KRTAP12-4: variants seen among roughly 807,000 people sequenced by gnomAD.
The protein encoded by KRTAP12-4 is keratin-associated protein 12-4.
For missense variants in KRTAP12-4, 148 were observed against 141.2 expected (o/e 1.05, Z -0.24); for synonymous variants, 58 against 58.7 (o/e 0.99, Z 0.05).
chr21:44,654,292 G>C lies in KRTAP12-4; in HGVS notation c.323C>G (p.Thr108Ser). Residue 108 changes from threonine (T) to serine (S), a missense_variant, in exon 1 of 1, where the codon ACC (threonine) becomes AGC (serine). By Grantham distance (58) the Thr-to-Ser change is moderately conservative. Coordinates refer to ENST00000391618, the MANE Select transcript of KRTAP12-4 (RefSeq NM_198698.1). Reference sequence around the variant, plus strand: ...GCCACCTGCTCAGCAGCCAGTGGGGGTGCTCCAGGTGACAGGTCTATAGAC... The same window carrying C: ...GCCACCTGCTCAGCAGCCAGTGGGGCTGCTCCAGGTGACAGGTCTATAGAC... ...TLVYRPVTWS[T>S]PTGC The C allele has an allele frequency of 6.2e-7, 1 of 1,613,772 alleles. No individual in the cohort carries two copies. The highest frequency in any genetic ancestry group is 8.5e-7 in the Non-Finnish European group (1 of 1,179,814).
Position 44,654,432 on chromosome 21 carries a change from ACAG to A in KRTAP12-4, c.180_182del (p.Cys61del). ...AGGCCACCTGGCAGGGGCTGGGCAC[ACAG>A]CAGGCTGGCTGGCAGCAGGTGGATA... On this transcript the variant is annotated inframe_deletion, in exon 1 of 1. Transcript: ENST00000391618. 6.2e-7 allele frequency: 1 copy of A among 1,614,142 alleles called. No homozygotes were observed. Among genetic ancestry groups the A allele is most frequent in the South Asian group, 1.1e-5 (1 of 91,092 alleles).
In KRTAP12-4 at chr21:44,654,216, G is replaced by A; in HGVS notation, c.*60C>T. ...AGGATGTGGGGACTGCCTGGCAGGA[G>A]TTCAGAGAGCCTGCTGGCTTCTGAC... On this transcript the variant is annotated 3_prime_UTR_variant, in exon 1 of 1. Transcript: ENST00000391618. 1.4e-6 allele frequency: 2 copies of A among 1,399,074 alleles called. No individual in the cohort carries two copies. The highest frequency in any genetic ancestry group is 2.0e-6 in the Non-Finnish European group (2 of 994,526). 86.7% of individuals were successfully genotyped at this position (1,399,074 alleles called of 1,614,324 possible). A position where few individuals can be genotyped will look rare whatever the true frequency, so the allele number is the denominator to read the frequency against.
rs1200199283 is a variant in KRTAP12-4, at chr21:44,654,532, G to A, written c.83C>T (p.Pro28Leu). 3 of 1,612,522 alleles carry A rather than the reference G, an allele frequency of 1.9e-6. No homozygotes were observed. The highest frequency in any genetic ancestry group is 1.7e-6 in the Non-Finnish European group (2 of 1,179,304). Reference sequence around the variant, plus strand: ...GCAGCAGGAGGTCCCATAGCCCTCGGGTGGGTAGCAGGTGCTGGGGACACA... The same window carrying A: ...GCAGCAGGAGGTCCCATAGCCCTCGAGTGGGTAGCAGGTGCTGGGGACACA... ...PCCVPSTCYP[P>L]EGYGTSCCCS... is the part of the protein sequence containing the mutation. Residue 28 changes from proline to leucine, a missense_variant, in exon 1 of 1, where the codon CCC becomes CTC. Transcript: ENST00000391618.
Position 44,654,408 on chromosome 21 carries a change from G to A in KRTAP12-4, c.207C>T (p.Ala69=). ...ACCVPSPCQV[A]CCVPVSCKPV... ...GCTTGCAGCTCACAGGCACACAGCAGGCCACCTGGCAGGGGCTGGGCACAC... is the reference window on the plus strand; with the variant it reads ...GCTTGCAGCTCACAGGCACACAGCAAGCCACCTGGCAGGGGCTGGGCACAC... The change falls in exon 1 of 1, where the codon GCC becomes GCT. Residue 69 remains alanine (A), a synonymous_variant. Transcript: ENST00000391618. 6.2e-7 allele frequency: 1 copy of A among 1,614,210 alleles called. No individual in the cohort carries two copies. Among genetic ancestry groups the A allele is most frequent in the Non-Finnish European group, 8.5e-7 (1 of 1,180,016 alleles).
Position 44,654,232 on chromosome 21 carries a change from G to A in KRTAP12-4, c.*44C>T. 7 of 1,509,798 alleles carry A rather than the reference G, an allele frequency of 4.6e-6. No homozygotes were observed. Among genetic ancestry groups the A allele is most frequent in the Non-Finnish European group, 6.4e-6 (7 of 1,090,012 alleles). 93.5% of individuals were successfully genotyped at this position (1,509,798 alleles called of 1,614,324 possible). ...CTGGCAGGAGTTCAGAGAGCCTGCT[G>A]GCTTCTGACCTCGCACCTACGAGGG... On this transcript the variant is annotated 3_prime_UTR_variant, in exon 1 of 1. Coordinates refer to ENST00000391618, the MANE Select transcript of KRTAP12-4 (RefSeq NM_198698.1).
chr21:44,654,585 G>T, the KRTAP12-4 span: 1 of 1,594,576 alleles, frequency 6.3e-7, no homozygotes. Context: ...AGGCCATTGG[G>T]CAGCCCGAAG....
At position 44,654,584 on chromosome 21, in the gene KRTAP12-4, G is replaced by T. The variant is rs1555942198; in HGVS notation, c.31C>A (p.Pro11Thr). The change falls in exon 1 of 1, where the codon CCA becomes ACA. Residue 11 changes from proline (P) to threonine (T), a missense_variant. Pro to Thr is a conservative substitution (Grantham distance 38). Transcript: ENST00000391618. The stretch of plus-strand genomic sequence containing the variant: ...CACGGGGAGCCAGGGCAGGCCATTG[G>T]GCAGCCCGAAGAGTGGCTGGTGTGG... MCHTSHSSGC[P>T]MACPGSPCCV... The T allele has an allele frequency of 6.3e-7, 1 of 1,596,324 alleles. No homozygotes were observed. Among genetic ancestry groups the T allele is most frequent in the Non-Finnish European group, 8.5e-7 (1 of 1,170,170 alleles).
chr21:44,654,497 G>T lies in KRTAP12-4; in HGVS notation c.118C>A (p.Pro40Thr). Reference protein sequence around the residue: ...GYGTSCCCSAPCVALLCRPLC... With the variant: ...GYGTSCCCSATCVALLCRPLC... ...GGCCGGCACAGCAGAGCCACACAGG[G>T]GGCTGAGCAGCAGCAGGAGGTCCCA... Residue 40 changes from proline to threonine, a missense_variant, in exon 1 of 1, where the codon CCC (proline) becomes ACC (threonine). Transcript: ENST00000391618. The T allele has an allele frequency of 6.2e-7, 1 of 1,613,760 alleles. No individual in the cohort carries two copies. Among genetic ancestry groups the T allele is most frequent in the Non-Finnish European group, 8.5e-7 (1 of 1,179,800 alleles).
At position 44,654,434 on chromosome 21, in the gene KRTAP12-4, A is replaced by G. The variant is rs782103643; in HGVS notation, c.181T>C (p.Cys61Arg). Residue 61 changes from cysteine (C) to arginine (R), a missense_variant, in exon 1 of 1, where the codon TGT (cysteine) becomes CGT (arginine). Transcript: ENST00000391618. The stretch of plus-strand genomic sequence containing the variant: ...GCCACCTGGCAGGGGCTGGGCACAC[A>G]GCAGGCTGGCTGGCAGCAGGTGGAT... ...GVSTCCQPAC[C>R]VPSPCQVACC... 5.0e-6 allele frequency: 8 copies of G among 1,614,146 alleles called. No homozygotes were observed. In the South Asian group the frequency reaches 8.8e-5, roughly 18 times the overall value.
At position 44,654,547 on chromosome 21, in the gene KRTAP12-4, C is replaced by A; in HGVS notation, c.68G>T (p.Ser23Ile). Residue 23 changes from serine to isoleucine, a missense_variant, in exon 1 of 1, where the codon AGC (serine) becomes ATC (isoleucine). Ser to Ile is a moderately radical substitution (Grantham distance 142). Transcript: ENST00000391618. ...ACPGSPCCVPSTCYPPEGYGT... is the reference protein window; with the variant it reads ...ACPGSPCCVPITCYPPEGYGT... ...ATAGCCCTCGGGTGGGTAGCAGGTG[C>A]TGGGGACACAGCACGGGGAGCCAGG... 6.2e-7 allele frequency: 1 copy of A among 1,611,256 alleles called. No individual in the cohort carries two copies. The highest frequency in any genetic ancestry group is 8.5e-7 in the Non-Finnish European group (1 of 1,178,600).
the KRTAP12-4 span, chr21:44,654,338 G>A: frequency 1.2e-6 from 2 of 1,613,996 alleles, no homozygotes; most frequent in African/African-American, 1.3e-5. Flanking sequence ...CAGAAGGGCT[G>A]GCAGCACCCA....
Position 44,654,426 on chromosome 21 carries a change from G to A in KRTAP12-4, c.189C>T (p.Pro63=). ...STCCQPACCV[P]SPCQVACCVP... ...CACAGCAGGCCACCTGGCAGGGGCT[G>A]GGCACACAGCAGGCTGGCTGGCAGC... Residue 63 remains proline (P), a synonymous_variant, in exon 1 of 1, where the codon CCC becomes CCT. Transcript: ENST00000391618. 8 of 1,614,148 alleles carry A rather than the reference G, an allele frequency of 5.0e-6. No individual in the cohort carries two copies. Among genetic ancestry groups the A allele is most frequent in the Non-Finnish European group, 6.8e-6 (8 of 1,179,990 alleles).
rs782215746 is a variant in KRTAP12-4, at chr21:44,654,658, C to T, written c.-44G>A. 7.5e-7 allele frequency: 1 copy of T among 1,335,432 alleles called. No individual in the cohort carries two copies. The highest frequency in any genetic ancestry group is 1.0e-6 in the Non-Finnish European group (1 of 985,478). The allele number at this position is 1,335,432 out of a possible 1,614,324, so 82.7% of individuals were successfully genotyped here. On this transcript the variant is annotated 5_prime_UTR_variant, in exon 1 of 1. Transcript: ENST00000391618. Reference sequence around the variant, plus strand: ...GGGGGGCGCAGAGGACAGGGCTGGTCTGGAGCCTGCTTCCTTAGGTGGCCT... The same window carrying T: ...GGGGGGCGCAGAGGACAGGGCTGGTTTGGAGCCTGCTTCCTTAGGTGGCCT...
Position 44,654,321 on chromosome 21 carries a change from G to A in KRTAP12-4, c.294C>T (p.Thr98=), listed in dbSNP as rs1555942057. The change falls in exon 1 of 1, where the codon ACC becomes ACT. Residue 98 remains threonine (T), a synonymous_variant. Coordinates refer to ENST00000391618, the MANE Select transcript of KRTAP12-4 (RefSeq NM_198698.1). ...TSGCCQPFCP[T]LVYRPVTWST... is the part of the protein sequence containing the mutation. ...TCCAGGTGACAGGTCTATAGACCAG[G>A]GTGGGGCAGAAGGGCTGGCAGCACC... 1.5e-5 allele frequency: 24 copies of A among 1,614,078 alleles called. No homozygotes were observed. The highest frequency in any genetic ancestry group is 1.9e-5 in the Non-Finnish European group (22 of 1,179,952).
At position 44,654,648 on chromosome 21, in the gene KRTAP12-4, C is replaced by G. The variant is rs12482041; in HGVS notation, c.-34G>C. ...GTGGACAGGTGGGGGGCGCAGAGGA[C>G]AGGGCTGGTCTGGAGCCTGCTTCCT... is the stretch of plus-strand genomic sequence containing the variant. On this transcript the variant is annotated 5_prime_UTR_variant, in exon 1 of 1. Transcript: ENST00000391618. 0.24 allele frequency: 337,837 copies of G among 1,418,792 alleles called. 40,878 individuals are homozygous for G. The highest frequency in any genetic ancestry group is 0.26 in the Middle Eastern group (1,025 of 3,956). 87.9% of individuals were successfully genotyped at this position (1,418,792 alleles called of 1,614,324 possible).
chr21:44,654,487 G>A lies in KRTAP12-4; in HGVS notation c.128C>T (p.Ala43Val). 1 of 1,613,908 alleles carries A rather than the reference G, an allele frequency of 6.2e-7. No individual in the cohort carries two copies. Among genetic ancestry groups the A allele is most frequent in the Non-Finnish European group, 8.5e-7 (1 of 1,179,870 alleles). ...CCCACACAGGGGCCGGCACAGCAGAGCCACACAGGGGGCTGAGCAGCAGCA... is the reference window on the plus strand; with the variant it reads ...CCCACACAGGGGCCGGCACAGCAGAACCACACAGGGGGCTGAGCAGCAGCA... Reference protein sequence around the residue: ...TSCCCSAPCVALLCRPLCGVS... With the variant: ...TSCCCSAPCVVLLCRPLCGVS... Residue 43 changes from alanine (A) to valine (V), a missense_variant, in exon 1 of 1, where the codon GCT becomes GTT. Coordinates refer to ENST00000391618, the MANE Select transcript of KRTAP12-4 (RefSeq NM_198698.1).
At position 44,654,659 on chromosome 21, in the gene KRTAP12-4, T is replaced by A; in HGVS notation, c.-45A>T. ...GGGGGCGCAGAGGACAGGGCTGGTC[T>A]GGAGCCTGCTTCCTTAGGTGGCCTT... On this transcript the variant is annotated 5_prime_UTR_variant, in exon 1 of 1. Transcript: ENST00000391618. 1 of 1,335,544 alleles carries A rather than the reference T, an allele frequency of 7.5e-7. No individual in the cohort carries two copies. Among genetic ancestry groups the A allele is most frequent in the Non-Finnish European group, 1.0e-6 (1 of 985,886 alleles). 82.7% of individuals were successfully genotyped at this position (1,335,544 alleles called of 1,614,324 possible). A position where few individuals can be genotyped will look rare whatever the true frequency, so the allele number is the denominator to read the frequency against.
chr21:44,654,589 C>A lies in KRTAP12-4; in HGVS notation c.26G>T (p.Gly9Val). Reference sequence around the variant, plus strand: ...GGAGCCAGGGCAGGCCATTGGGCAGCCCGAAGAGTGGCTGGTGTGGCACAT... The same window carrying A: ...GGAGCCAGGGCAGGCCATTGGGCAGACCGAAGAGTGGCTGGTGTGGCACAT... MCHTSHSS[G>V]CPMACPGSPC... The change falls in exon 1 of 1, where the codon GGC becomes GTC. Residue 9 changes from glycine to valine, a missense_variant. Transcript: ENST00000391618. 2.5e-6 allele frequency: 4 copies of A among 1,589,720 alleles called. No individual in the cohort carries two copies. Among genetic ancestry groups the A allele is most frequent in the South Asian group, 1.1e-5 (1 of 87,386 alleles).
Position 44,654,257 on chromosome 21 carries a change from G to GTT in KRTAP12-4, c.*18_*19insAA. On this transcript the variant is annotated 3_prime_UTR_variant, in exon 1 of 1. Transcript: ENST00000391618. ...GGCTTCTGACCTCGCACCTACGAGG[G>GTT]TCATAGGAGGCCACCTGCTCAGCAG... 6.2e-7 allele frequency: 1 copy of GTT among 1,600,144 alleles called. No individual in the cohort carries two copies. The highest frequency in any genetic ancestry group is 8.6e-7 in the Non-Finnish European group (1 of 1,167,990).
Sources: gnomAD v4.1 joint callset for allele counts on GRCh38, gnomAD v4.1.1 for gene constraint, MANE v1.5 for transcripts, NCBI Gene and HGNC (gene_info 2026-07-23, HGNC 2026-07-21) for gene names.